Variants in ZNF778 observed in about 807,000 individuals in gnomAD.
The protein encoded by ZNF778 is zinc finger protein 778.
A neutral mutation model predicts 23.9 loss-of-function variants in ZNF778; 37 were observed. The ratio of observed to expected loss-of-function variants is 1.54; its 90% CI spans 1.19 to 2.03. ZNF778 has a LOEUF of 2.03. Ranked by LOEUF, ZNF778 falls within the 30% of genes most tolerant of loss-of-function variation. ZNF778 has a pLI of 0.00. For synonymous variants in ZNF778, 483 were observed against 343.9 expected (o/e 1.40, Z -4.48); for missense variants, 1,297 against 934.4 (o/e 1.39, Z -5.06).
In ZNF778 at chr16:89,234,396, G is replaced by A. The variant is rs918767688; in HGVS notation, c.*5834G>A. On this transcript the variant is annotated 3_prime_UTR_variant, in exon 7 of 7. Transcript: ENST00000433976. ...GGTTGTGAAACAGCATCTCCTTGGGGTGTTGGTTTGCACTTCTCTTCATTA... is the reference window on the plus strand; with the variant it reads ...GGTTGTGAAACAGCATCTCCTTGGGATGTTGGTTTGCACTTCTCTTCATTA... 1 of 268,886 alleles carries A rather than the reference G, an allele frequency of 3.7e-6. No homozygotes were observed. 16.7% of individuals were successfully genotyped at this position (268,886 alleles called of 1,614,324 possible). A position where few individuals can be genotyped will look rare whatever the true frequency, so the allele number is the denominator to read the frequency against.
At chr16:89,219,889 A>G (rs1310110422) in intron 1 of ZNF778, among the ~76,000 whole-genome samples, 1 of 152,260 alleles carries the variant, frequency 6.6e-6, no homozygotes, top group East Asian at 1.9e-4. Flanking sequence ...GGAGGTGCAT[A>G]TCGGAGGGGA....
At chr16:89,222,426 C>G (rs532049633) in intron 3 of ZNF778, among the ~76,000 whole-genome samples, 7 of 152,284 alleles carry the variant, frequency 4.6e-5, no homozygotes, top group Admixed American at 6.5e-5. Context: ...AGCAATGGCC[C>G]AATCTCGGCT....
At chr16:89,225,998 G>A (rs896700906) in intron 6 of ZNF778, among the ~76,000 whole-genome samples, 5 of 150,370 alleles carry the variant, frequency 3.3e-5, no homozygotes, top group Admixed American at 6.7e-5. Context: ...TGCAACCTCC[G>A]CCTCCTGGAT....
Position 89,228,372 on chromosome 16 carries a change from A to C in ZNF778, c.2084A>C (p.His695Pro). 6.2e-7 allele frequency: 1 copy of C among 1,613,798 alleles called. No individual in the cohort carries two copies. The highest frequency in any genetic ancestry group is 2.2e-5 in the East Asian group (1 of 44,884). ...CACCTGCATAAACATGGAAGAATTC[A>C]CACTGGGCAGAAACCCTATAAATGT... ...SSHLHKHGRI[H>P]TGQKPYKCKE... The change falls in exon 7 of 7, where the codon CAC becomes CCC. Residue 695 changes from histidine to proline, a missense_variant. Transcript: ENST00000433976.
chr16:89,218,384 A>T (rs1007745867), intron 1 of ZNF778: 18 of 152,276 alleles, frequency 1.2e-4, no homozygotes, highest in African/African-American at 3.9e-4. Context: ...GAGTGTAAGT[A>T]AGTTGAAATT....
At position 89,217,925 on chromosome 16, in the gene ZNF778, C is replaced by G. The variant is rs1461724395; in HGVS notation, c.-132+15C>G. The G allele has an allele frequency of 6.6e-6, 1 of 152,314 alleles. No individual in the cohort carries two copies. Among genetic ancestry groups the G allele is most frequent in the Non-Finnish European group, 1.5e-5 (1 of 68,090 alleles). 9.4% of individuals were successfully genotyped at this position (152,314 alleles called of 1,614,324 possible). ...CCGCGGAGCTGGTGAGAGAGGGGCC[C>G]TTTGCTTCCTTCACTTTGAACAGGG... On this transcript the variant is annotated intron_variant, in intron 1 of 6. Coordinates refer to ENST00000433976, the MANE Select transcript of ZNF778 (RefSeq NM_001201407.2).
At position 89,221,136 on chromosome 16, in the gene ZNF778, C is replaced by T. The variant is rs781161459; in HGVS notation, c.9C>T (p.Ala3=). The T allele has an allele frequency of 3.2e-6, 5 of 1,567,420 alleles. No individual in the cohort carries two copies. Among genetic ancestry groups the T allele is most frequent in the African/African-American group, 1.4e-5 (1 of 73,748 alleles). The change falls in exon 2 of 7, where the codon GCC becomes GCT. Residue 3 remains alanine (A), a synonymous_variant. Coordinates refer to ENST00000433976, the MANE Select transcript of ZNF778 (RefSeq NM_001201407.2). ...TCCGTCAGCCTCCCAGGATGGCAGCCCCTGACCTGGCCCACGGTAAGTCCT... is the reference window on the plus strand; with the variant it reads ...TCCGTCAGCCTCCCAGGATGGCAGCTCCTGACCTGGCCCACGGTAAGTCCT... The part of the protein sequence containing the change: MA[A]PDLAHGGHVS...
chr16:89,222,635 A>C (rs141763910), intron 3 of ZNF778, among the ~76,000 whole-genome samples: 1 of 152,322 alleles, frequency 6.6e-6, no homozygotes, highest in African/African-American at 2.4e-5. Context: ...AAGGGCTGGG[A>C]TTACAGGCTT....
At position 89,231,646 on chromosome 16, in the gene ZNF778, A is replaced by G. The variant is rs1220164033; in HGVS notation, c.*3084A>G. ...AACCCGTGATCCTGGTGTAATCTCA[A>G]CCAAAACCCACAGCCCTGCACCCCT... On this transcript the variant is annotated 3_prime_UTR_variant, in exon 7 of 7. Coordinates refer to ENST00000433976, the MANE Select transcript of ZNF778 (RefSeq NM_001201407.2). 6.6e-6 allele frequency: 1 copy of G among 152,128 alleles called. No homozygotes were observed. Among genetic ancestry groups the G allele is most frequent in the Non-Finnish European group, 1.5e-5 (1 of 68,028 alleles). The allele number at this position is 152,128 out of a possible 1,614,324, so 9.4% of individuals were successfully genotyped here. A position where few individuals can be genotyped will look rare whatever the true frequency, so the allele number is the denominator to read the frequency against.
rs377624479 is a variant in ZNF778, at chr16:89,227,163, A to T, written c.875A>T (p.Tyr292Phe). ...AGGGAATGTGGGAAGGCCTTTAGGT[A>T]CACTGCCTACCTTACTGGTCGCGTG... The part of the protein sequence containing the change: ...VCRECGKAFR[Y>F]TAYLTGRVQV... The change falls in exon 7 of 7, where the codon TAC (tyrosine) becomes TTC (phenylalanine). Residue 292 changes from tyrosine (Y) to phenylalanine (F), a missense_variant. Transcript: ENST00000433976. 5.6e-6 allele frequency: 9 copies of T among 1,613,992 alleles called. No individual in the cohort carries two copies. The highest frequency in any genetic ancestry group is 1.3e-5 in the African/African-American group (1 of 75,050).
In ZNF778 at chr16:89,221,084, G is replaced by A; in HGVS notation, c.-44G>A. 1.9e-6 allele frequency: 3 copies of A among 1,558,476 alleles called. No individual in the cohort carries two copies. Among genetic ancestry groups the A allele is most frequent in the Non-Finnish European group, 2.6e-6 (3 of 1,150,868 alleles). ...CACAAGCTGCCCTGCAGTGGCCTTGGCTTCAGGAAAGGAGCATTCAGACGC... is the reference window on the plus strand; with the variant it reads ...CACAAGCTGCCCTGCAGTGGCCTTGACTTCAGGAAAGGAGCATTCAGACGC... On this transcript the variant is annotated 5_prime_UTR_variant, in exon 2 of 7. Transcript: ENST00000433976.
At position 89,229,032 on chromosome 16, in the gene ZNF778, A is replaced by G; in HGVS notation, c.*470A>G. The G allele has an allele frequency of 3.0e-6, 3 of 991,528 alleles. No individual in the cohort carries two copies. The highest frequency in any genetic ancestry group is 3.6e-6 in the Non-Finnish European group (3 of 833,950). 61.4% of individuals were successfully genotyped at this position (991,528 alleles called of 1,614,324 possible). A position where few individuals can be genotyped will look rare whatever the true frequency, so the allele number is the denominator to read the frequency against. On this transcript the variant is annotated 3_prime_UTR_variant, in exon 7 of 7. Coordinates refer to ENST00000433976, the MANE Select transcript of ZNF778 (RefSeq NM_001201407.2). ...AAAACCTTGTGGGCTAACTTGAGACATGTCTTTCTGGGGGTTCTGTAGACG... is the reference window on the plus strand; with the variant it reads ...AAAACCTTGTGGGCTAACTTGAGACGTGTCTTTCTGGGGGTTCTGTAGACG...
chr16:89,221,024 C>T lies in ZNF778; in HGVS notation c.-104C>T. ...AATAGGGATCCAGCCATCCGTGGGT[C>T]AGGAGGAATGGAGACTGTACCTTCC... On this transcript the variant is annotated 5_prime_UTR_variant, in exon 2 of 7. Coordinates refer to ENST00000433976, the MANE Select transcript of ZNF778 (RefSeq NM_001201407.2). The T allele has an allele frequency of 3.1e-6, 4 of 1,299,056 alleles. No individual in the cohort carries two copies. In the South Asian group the frequency reaches 3.9e-5, roughly 13 times the overall value. 80.5% of individuals were successfully genotyped at this position (1,299,056 alleles called of 1,614,324 possible).
chr16:89,228,640 C>G lies in ZNF778; in HGVS notation c.*78C>G, dbSNP rs552293330. 1 of 1,516,118 alleles carries G rather than the reference C, an allele frequency of 6.6e-7. No homozygotes were observed. Among genetic ancestry groups the G allele is most frequent in the Non-Finnish European group, 8.8e-7 (1 of 1,138,602 alleles). The allele number at this position is 1,516,118 out of a possible 1,614,324, so 93.9% of individuals were successfully genotyped here. A position where few individuals can be genotyped will look rare whatever the true frequency, so the allele number is the denominator to read the frequency against. ...AAAGACCTCTCGTTCTCCAGATGTC[C>G]ATGACTTGAGGAATGTGGCTAGGCA... is the stretch of plus-strand genomic sequence containing the variant. On this transcript the variant is annotated 3_prime_UTR_variant, in exon 7 of 7. Transcript: ENST00000433976.
intron 4 of ZNF778, among the ~76,000 whole-genome samples, chr16:89,224,326 G>C (rs565363853): frequency 3.9e-5 from 6 of 152,212 alleles, no homozygotes; most frequent in African/African-American, 1.4e-4. Context: ...TGTAATCCGA[G>C]CACTCTGGGA....
In ZNF778 at chr16:89,232,417, A is replaced by G; in HGVS notation, c.*3855A>G. On this transcript the variant is annotated 3_prime_UTR_variant, in exon 7 of 7. Coordinates refer to ENST00000433976, the MANE Select transcript of ZNF778 (RefSeq NM_001201407.2). ...AAGTTACCCACAGCCTCAGATATGT[A>G]GCAACACAGACAGACTAAGACACCA... 3 of 323,728 alleles carry G rather than the reference A, an allele frequency of 9.3e-6. No individual in the cohort carries two copies. The highest frequency in any genetic ancestry group is 5.5e-5 in the South Asian group (2 of 36,666). 20.1% of individuals were successfully genotyped at this position (323,728 alleles called of 1,614,324 possible).
intron 1 of ZNF778, among the ~76,000 whole-genome samples, chr16:89,218,778 G>T (rs1374392522): frequency 7.0e-6 from 1 of 143,300 alleles, no homozygotes; most frequent in Non-Finnish European, 1.5e-5. Context: ...GCGACAGAGC[G>T]AGACTCCGTC....
At chr16:89,221,770 C>T (rs1317279764) in intron 2 of ZNF778, among the ~76,000 whole-genome samples, 2 of 114,720 alleles carry the variant, frequency 1.7e-5, no homozygotes, top group East Asian at 2.6e-4. Flanking sequence ...GGAATTCCCT[C>T]GCTCTGTATG....
At position 89,228,285 on chromosome 16, in the gene ZNF778, C is replaced by T. The variant is rs1259356947; in HGVS notation, c.1997C>T (p.Thr666Ile). The T allele has an allele frequency of 1.9e-6, 3 of 1,605,622 alleles. No individual in the cohort carries two copies. The South Asian group carries it at 3.3e-5, about 18-fold the overall frequency. The stretch of plus-strand genomic sequence containing the variant: ...TCACACCTTATCGAACACAGAAGGA[C>T]TCACACAGGAGAGAAACCTTACATA... Reference protein sequence around the residue: ...SSSHLIEHRRTHTGEKPYICN... With the variant: ...SSSHLIEHRRIHTGEKPYICN... The change falls in exon 7 of 7, where the codon ACT becomes ATT. Residue 666 changes from threonine to isoleucine, a missense_variant. By Grantham distance (89) the Thr-to-Ile change is moderately conservative. Coordinates refer to ENST00000433976, the MANE Select transcript of ZNF778 (RefSeq NM_001201407.2).
Sources: allele counts gnomAD v4.1 joint callset (sites outside exome capture counted in the v4.1 genomes callset), GRCh38; gene constraint gnomAD v4.1.1; transcripts MANE v1.5; gene names NCBI Gene and HGNC (gene_info 2026-07-23, HGNC 2026-07-21).